The following TRAF3IP1 variants were observed in gnomAD, a reference collection of about 807,000 sequenced individuals.
The protein encoded by TRAF3IP1 is TRAF3-interacting protein 1.
Under a neutral mutation model 89.9 loss-of-function variants are expected in TRAF3IP1, and 53 were observed. The observed-to-expected ratio is 0.59, with a 90% CI of 0.47 to 0.74. TRAF3IP1 has a LOEUF of 0.74. Ranked by LOEUF, TRAF3IP1 falls within the 30% of genes least tolerant of loss-of-function variation. TRAF3IP1 has a pLI of 0.00. For synonymous variants in TRAF3IP1, 311 were observed against 322.1 expected (o/e 0.97, Z 0.37); for missense variants, 806 against 866.1 (o/e 0.93, Z 0.87).
chr2:238,379,949 T>G lies in TRAF3IP1; in HGVS notation c.1690-17510T>G, dbSNP rs1391887547. Among the ~76,000 whole-genome samples the G allele has an allele frequency of 6.6e-6, 1 of 152,178 alleles. No homozygotes were observed. Among genetic ancestry groups the G allele is most frequent in the East Asian group, 1.9e-4 (1 of 5,196 alleles). On this transcript the variant is annotated intron_variant, in intron 15 of 16. Transcript: ENST00000373327. The surrounding 1 kb of genome is among the most constrained non-coding windows in gnomAD (Gnocchi z 4.0). ...TCACCTCACTGGCCATTTCCAGCAT[T>G]GATGGAGAAAGACAATTTTAAAGTC...
At chr2:238,331,410 G>A (rs567359555) in intron 5 of TRAF3IP1, among the ~76,000 whole-genome samples, 2 of 152,254 alleles carry the variant, frequency 1.3e-5, no homozygotes, top group East Asian at 3.9e-4. Context: ...TCGGGAGGCG[G>A]AGGTTGCAGT....
Position 238,325,390 on chromosome 2 carries a change from G to T in TRAF3IP1, c.192+16G>T. 1 of 1,613,980 alleles carries T rather than the reference G, an allele frequency of 6.2e-7. No homozygotes were observed. ...TAATGTGAAGGTGGGTTTGAGTCGG[G>T]CTTCTCCTATTGACTCCTCGCCTTA... On this transcript the variant is annotated intron_variant, in intron 2 of 16. Coordinates refer to ENST00000373327, the MANE Select transcript of TRAF3IP1 (RefSeq NM_015650.4).
intron 15 of TRAF3IP1, among the ~76,000 whole-genome samples, chr2:238,361,991 G>T (rs1699681211): frequency 6.6e-6 from 1 of 152,078 alleles, no homozygotes; most frequent in South Asian, 2.1e-4. Flanking sequence ...ACCTTCATCC[G>T]AGTTGCCTGA....
intron 5 of TRAF3IP1, among the ~76,000 whole-genome samples, chr2:238,331,276 C>T (rs533116221): frequency 1.4e-5 from 2 of 141,838 alleles, no homozygotes; most frequent in African/African-American, 2.7e-5. Context: ...CTGGCCAACA[C>T]GGTGATGAAA....
intron 15 of TRAF3IP1, among the ~76,000 whole-genome samples, chr2:238,376,047 C>T (rs1204558625): frequency 6.6e-6 from 1 of 152,182 alleles, no homozygotes; most frequent in Non-Finnish European, 1.5e-5. Context: ...CAAACTTTTT[C>T]CGTAAAAGGT....
chr2:238,331,546 T>C (rs893784383), intron 5 of TRAF3IP1, among the ~76,000 whole-genome samples: 2 of 152,148 alleles, frequency 1.3e-5, no homozygotes, highest in African/African-American at 4.8e-5. Flanking sequence ...CCAAGTATAA[T>C]GGTGGTTTTG....
chr2:238,338,080 G>GGAGGAGGAA (rs1309562455), intron 7 of TRAF3IP1, among the ~76,000 whole-genome samples: 1 of 152,000 alleles, frequency 6.6e-6, no homozygotes, highest in Non-Finnish European at 1.5e-5. Context: ...AGGAAGAGGA[G>GGAGGAGGAA]GAGGAGGAAG....
At chr2:238,346,709 A>T (rs1157101789) in intron 9 of TRAF3IP1, among the ~76,000 whole-genome samples, 1 of 152,220 alleles carries the variant, frequency 6.6e-6, no homozygotes, top group Non-Finnish European at 1.5e-5. Context: ...GAGGCGCTGC[A>T]TCAGGCCCTG....
At chr2:238,338,488 C>T (rs1263856883) in intron 8 of TRAF3IP1, 31 bp downstream of exon 8, 2 of 1,222,124 alleles carry the variant, frequency 1.6e-6, no homozygotes, top group African/African-American at 1.5e-5. Context: ...AGTTTAAATT[C>T]CTCACCACTT....
chr2:238,356,070 C>T lies in TRAF3IP1; in HGVS notation c.1679C>T (p.Pro560Leu). 6.2e-7 allele frequency: 1 copy of T among 1,613,272 alleles called. No individual in the cohort carries two copies. The highest frequency in any genetic ancestry group is 8.5e-7 in the Non-Finnish European group (1 of 1,179,338). Residue 560 changes from proline (P) to leucine (L), a missense_variant, in exon 15 of 17, where the codon CCT (proline) becomes CTT (leucine). Pro to Leu is a moderately conservative substitution (Grantham distance 98, BLOSUM62 -3). Transcript: ENST00000373327. ...DYEKLQQSPK[P>L]GEKERSLFES... ...GAGAAATTGCAGCAGTCACCCAAACCTGGGGAGAAGGTAATGGAATGATTT... is the reference window on the plus strand; with the variant it reads ...GAGAAATTGCAGCAGTCACCCAAACTTGGGGAGAAGGTAATGGAATGATTT...
At chr2:238,356,830 G>T (rs1251614708) in intron 15 of TRAF3IP1, among the ~76,000 whole-genome samples, 4 of 150,770 alleles carry the variant, frequency 2.7e-5, no homozygotes, top group Non-Finnish European at 5.9e-5. Context: ...CCAGGCTGGA[G>T]AGCAGTGGCA....
At position 238,351,792 on chromosome 2, in the gene TRAF3IP1, C is replaced by T. The variant is rs977761298; in HGVS notation, c.1452-1035C>T. On this transcript the variant is annotated intron_variant, in intron 12 of 16. Coordinates refer to ENST00000373327, the MANE Select transcript of TRAF3IP1 (RefSeq NM_015650.4). The surrounding 1 kb of genome is among the most constrained non-coding windows in gnomAD (Gnocchi z 5.2). The stretch of plus-strand genomic sequence containing the variant: ...AGGTCGTTCCCAAGTGTCTACATTC[C>T]CTCTGGACCTTGTGCATGGCACTGA... 1.4e-4 allele frequency among the ~76,000 whole-genome samples: 21 copies of T among 151,468 alleles called. No individual in the cohort carries two copies. Among genetic ancestry groups the T allele is most frequent in the Non-Finnish European group, 2.6e-4 (18 of 67,958 alleles).
chr2:238,329,288 C>T lies in TRAF3IP1; in HGVS notation c.861C>T (p.His287=), dbSNP rs951564312. The T allele has an allele frequency of 4.1e-6, 6 of 1,475,086 alleles. No homozygotes were observed. The highest frequency in any genetic ancestry group is 2.8e-5 in the African/African-American group (2 of 70,726). The allele number at this position is 1,475,086 out of a possible 1,614,324, so 91.4% of individuals were successfully genotyped here. The part of the protein sequence containing the change: ...RDRRRVKNGE[H]SWDLDREKNR... ...GACGGAGAGTGAAAAACGGGGAGCA[C>T]TCCTGGGACCTGGACAGGGAGAAGA... The change falls in exon 5 of 17, where the codon CAC becomes CAT. Residue 287 remains histidine, a synonymous_variant. Coordinates refer to ENST00000373327, the MANE Select transcript of TRAF3IP1 (RefSeq NM_015650.4).
At chr2:238,364,350 T>C (rs906404650) in intron 15 of TRAF3IP1, among the ~76,000 whole-genome samples, 4 of 152,108 alleles carry the variant, frequency 2.6e-5, no homozygotes, top group Admixed American at 2.0e-4. Context: ...TTTTTTGCTC[T>C]CTTTTCAAGA....
rs564134899 is a variant in TRAF3IP1 at position 238,360,803 on chromosome 2, C to G, written c.1689+4723C>G. Among the ~76,000 whole-genome samples, 13 of 152,180 alleles carry G rather than the reference C, an allele frequency of 8.5e-5. No homozygotes were observed. In the South Asian group the frequency reaches 2.5e-3, roughly 29 times the overall value. ...GCTGAGGCAGGAGAATCGCTTGAAC[C>G]TGGGAGGCGGAGGTTGCAGTGAGCC... On this transcript the variant is annotated intron_variant, in intron 15 of 16. Transcript: ENST00000373327.
chr2:238,327,892 T>C (rs1471723993), intron 3 of TRAF3IP1, among the ~76,000 whole-genome samples: 1 of 152,224 alleles, frequency 6.6e-6, no homozygotes, highest in Admixed American at 6.5e-5. Flanking sequence ...TCAAGGTTTA[T>C]CCATGTTGTG....
intron 15 of TRAF3IP1, among the ~76,000 whole-genome samples, chr2:238,390,643 A>G (rs1700954296): frequency 6.6e-6 from 1 of 152,216 alleles, no homozygotes; most frequent in Non-Finnish European, 1.5e-5. Flanking sequence ...TTTCTGGGGA[A>G]TAAATTTACG....
chr2:238,352,831 G>T lies in TRAF3IP1; in HGVS notation c.1456G>T (p.Gly486Trp). The T allele has an allele frequency of 6.2e-7, 1 of 1,606,990 alleles. No homozygotes were observed. The highest frequency in any genetic ancestry group is 2.2e-5 in the East Asian group (1 of 44,858). ...ATCTAATTTCTTTTTATTTAGGTCA[G>T]GGAGTGGTAAAACCGTTTCAAATGT... ...SMEALQMDRS[G>W]SGKTVSNVIT... The change falls in exon 13 of 17, where the codon GGG becomes TGG. Residue 486 changes from glycine to tryptophan, a missense_variant. Around this residue, in one of 3 missense-constraint regions of TRAF3IP1, gnomAD observed 732 missense variants for 780.5 expected, o/e 0.94. Transcript: ENST00000373327.
At chr2:238,366,861 C>A (rs1402693370) in intron 15 of TRAF3IP1, among the ~76,000 whole-genome samples, 3 of 151,854 alleles carry the variant, frequency 2.0e-5, no homozygotes, top group Non-Finnish European at 4.4e-5. Context: ...TTGTGTTAGC[C>A]CCAGGATGAA....
Sources: gnomAD v4.1 joint callset for allele counts (sites outside exome capture counted in the v4.1 genomes callset) on GRCh38, gnomAD v4.1.1 for gene constraint, gnomAD v4.1.1 regional missense constraint, Gnocchi (gnomAD v3.1) non-coding constraint, MANE v1.5 for transcripts, NCBI Gene and HGNC (gene_info 2026-07-23, HGNC 2026-07-21) for gene names.